The following CTNNA3 variants were observed in gnomAD, a reference collection of about 807,000 sequenced individuals.
CTNNA3 encodes the protein catenin alpha 3, also known as catenin alpha-3.
In CTNNA3, 76 loss-of-function variants were observed where a neutral mutation model predicts 95.7. The observed-to-expected ratio is 0.79, with a 90% confidence interval of 0.66 to 0.96. CTNNA3 has a LOEUF of 0.96. CTNNA3 is among the 40% of genes least tolerant of loss of function. The pLI is 0.00. For missense variants in CTNNA3, 1,191 were observed against 1,089.8 expected (o/e 1.09, Z -1.31); for synonymous variants, 431 against 374.4 (o/e 1.15, Z -1.74).
At chr10:66,132,589 A>G (rs1393611592) in intron 13 of CTNNA3, among the ~76,000 whole-genome samples, 1 of 152,236 alleles carries the variant, frequency 6.6e-6, no homozygotes, top group Admixed American at 6.5e-5. Context: ...CCATAAAGGC[A>G]TATGCATGCA....
chr10:67,351,821 G>C (rs1177575792), intron 5 of CTNNA3, among the ~76,000 whole-genome samples: 2 of 152,114 alleles, frequency 1.3e-5, no homozygotes, highest in South Asian at 2.1e-4. Context: ...AAGAGGAAAA[G>C]TGGTGGCCTG....
chr10:67,595,683 T>C (rs1842915139), intron 3 of CTNNA3, among the ~76,000 whole-genome samples: 1 of 152,200 alleles, frequency 6.6e-6, no homozygotes, highest in African/African-American at 2.4e-5. Flanking sequence ...TTGAATATCT[T>C]TGTTAGTTTT....
At chr10:66,650,301 T>C (rs962544194) in intron 9 of CTNNA3, among the ~76,000 whole-genome samples, 8 of 152,162 alleles carry the variant, frequency 5.3e-5, no homozygotes, top group African/African-American at 1.4e-4. Context: ...TTTGAAAAGA[T>C]GTAATCATAT....
At chr10:66,500,010 C>T (rs189533136) in intron 11 of CTNNA3, among the ~76,000 whole-genome samples, 1 of 151,912 alleles carries the variant, frequency 6.6e-6, no homozygotes, top group African/African-American at 2.4e-5. Context: ...ACCATGTTGG[C>T]CAGGCTTGTC....
At chr10:66,012,591 C>A (rs2079025728) in intron 15 of CTNNA3, among the ~76,000 whole-genome samples, 1 of 152,084 alleles carries the variant, frequency 6.6e-6, no homozygotes, top group Non-Finnish European at 1.5e-5. Context: ...TCAGAGTGGG[C>A]ATGAATCATG....
chr10:66,442,841 G>A (rs2093385320), intron 11 of CTNNA3, among the ~76,000 whole-genome samples: 1 of 152,198 alleles, frequency 6.6e-6, no homozygotes, highest in African/African-American at 2.4e-5. Flanking sequence ...CCATGCACGA[G>A]CCAAAGCAGG....
chr10:67,226,831 C>G lies in CTNNA3; in HGVS notation c.580-6961G>C, dbSNP rs186349847. Among the ~76,000 whole-genome samples the G allele has an allele frequency of 3.0e-3, 460 of 152,080 alleles. 3 individuals are homozygous for G. The highest frequency in any genetic ancestry group is 0.01 in the African/African-American group (417 of 41,526). ...AAAACTACAAGTTAAAAAGCAAAAA[C>G]AAAAAACCAAAGTACATAGACAACA... On this transcript the variant is annotated intron_variant, in intron 5 of 17. Transcript: ENST00000433211.
intron 7 of CTNNA3, among the ~76,000 whole-genome samples, chr10:66,828,283 AG>A: frequency 6.6e-6 from 1 of 152,354 alleles, no homozygotes; most frequent in East Asian, 1.9e-4. Context: ...GACTCAGCAT[AG>A]GGTTTCAGAA....
chr10:66,763,337 C>G (rs201888921), intron 9 of CTNNA3, among the ~76,000 whole-genome samples: 59,407 of 125,976 alleles, frequency 0.47, 12,506 homozygotes, highest in Non-Finnish European at 0.49. Flanking sequence ...CACACACACA[C>G]ACACAGAGAG....
chr10:66,301,485 TATAA>T (rs1344428510), intron 12 of CTNNA3, among the ~76,000 whole-genome samples: 1 of 151,898 alleles, frequency 6.6e-6, no homozygotes, highest in Non-Finnish European at 1.5e-5. Context: ...TCTTTTAGTA[TATAA>T]ATAATTTTAT....
intron 5 of CTNNA3, among the ~76,000 whole-genome samples, chr10:67,428,010 C>T (rs143801389): frequency 1.3e-5 from 2 of 152,042 alleles, no homozygotes; most frequent in Admixed American, 1.3e-4. Flanking sequence ...CTTCTTCCCC[C>T]TCAGGTCTCC....
intron 15 of CTNNA3, among the ~76,000 whole-genome samples, chr10:65,994,438 T>G (rs1167816821): frequency 6.6e-6 from 1 of 152,052 alleles, no homozygotes; most frequent in Non-Finnish European, 1.5e-5. Context: ...TTTTTTTTTT[T>G]TGGTTTTTCT....
chr10:67,292,410 G>A lies in CTNNA3; in HGVS notation c.580-72540C>T, dbSNP rs769919272. Among the ~76,000 whole-genome samples, 35 of 151,592 alleles carry A rather than the reference G, an allele frequency of 2.3e-4. 1 individual carries two copies. The highest frequency in any genetic ancestry group is 9.9e-4 in the Admixed American group (15 of 15,218). On this transcript the variant is annotated intron_variant, in intron 5 of 17. Coordinates refer to ENST00000433211, the MANE Select transcript of CTNNA3 (RefSeq NM_013266.4). ...TTCATTTTGAGGTATTTTTTTTTCC[G>A]AGTCCCAACAAAGTAAAGTGGGAAT... is the stretch of plus-strand genomic sequence containing the variant.
intron 11 of CTNNA3, among the ~76,000 whole-genome samples, chr10:66,380,486 T>C (rs1239772269): frequency 6.6e-6 from 1 of 151,956 alleles, no homozygotes; most frequent in East Asian, 1.9e-4. Flanking sequence ...CATGTTGCTG[T>C]AGTCCTAGTT....
chr10:66,065,453 T>G, intron 15 of CTNNA3, among the ~76,000 whole-genome samples: 1 of 152,202 alleles, frequency 6.6e-6, no homozygotes, highest in South Asian at 2.1e-4. Flanking sequence ...TTTTTTGATC[T>G]GCTATTCTCT....
chr10:67,253,490 G>T (rs1866193841), intron 5 of CTNNA3, among the ~76,000 whole-genome samples: 2 of 152,172 alleles, frequency 1.3e-5, no homozygotes, highest in Admixed American at 1.3e-4. Flanking sequence ...AGGGCTACAA[G>T]GGGTTAATCT....
At chr10:66,845,712 A>AT (rs1843231622) in intron 7 of CTNNA3, among the ~76,000 whole-genome samples, 2 of 126,416 alleles carry the variant, frequency 1.6e-5, no homozygotes, top group African/African-American at 6.2e-5. Context: ...TCAAAAAAAA[A>AT]AAAAAAAAAA....
At chr10:67,433,112 C>A (rs1846170173) in intron 5 of CTNNA3, among the ~76,000 whole-genome samples, 1 of 152,012 alleles carries the variant, frequency 6.6e-6, no homozygotes, top group African/African-American at 2.4e-5. Flanking sequence ...CTATTTTTAG[C>A]TTTTTACTTA....
intron 1 of CTNNA3, among the ~76,000 whole-genome samples, chr10:67,688,691 C>G (rs140001343): frequency 6.6e-6 from 1 of 152,080 alleles, no homozygotes; most frequent in East Asian, 1.9e-4. Context: ...CAAGGGTGAG[C>G]CTGTTGATGC....
Sources: gnomAD v4.1 joint callset for allele counts (sites outside exome capture counted in the v4.1 genomes callset) on GRCh38, gnomAD v4.1.1 for gene constraint, MANE v1.5 for transcripts, NCBI Gene and HGNC (gene_info 2026-07-23, HGNC 2026-07-21) for gene names.